Variants in PCBP3 observed in about 807,000 individuals in gnomAD.
PCBP3 encodes the protein poly(rC) binding protein 3.
PCBP3 carries 25 observed loss-of-function variants against 52.7 expected under a neutral mutation model. That is an observed-to-expected ratio of 0.47 (90% CI 0.35 to 0.66). PCBP3 has a LOEUF of 0.66. Among genes scored for constraint, PCBP3 ranks in the 30% least tolerant of loss-of-function variants. PCBP3 has a pLI of 0.01. For missense variants in PCBP3, 391 were observed against 490.3 expected (o/e 0.80, Z 1.91); for synonymous variants, 162 against 183.0 (o/e 0.89, Z 0.93).
In PCBP3 at chr21:45,904,815, A is replaced by C. The variant is rs150711521; in HGVS notation, c.339+3702A>C. On this transcript the variant is annotated intron_variant, in intron 9 of 17. Coordinates refer to ENST00000681687, the MANE Select transcript of PCBP3 (RefSeq NM_001384156.1). This position sits in a 1 kb window ranked among gnomAD's most constrained non-coding sequence, Gnocchi z 4.8. ...TGGGGCCGTGTCTCACCCTCACACC[A>C]TGTCACGATTGTGCTGGTGACGGAT... 3.3e-5 allele frequency among the ~76,000 whole-genome samples: 5 copies of C among 152,258 alleles called. No homozygotes were observed. Among genetic ancestry groups the C allele is most frequent in the African/African-American group, 1.2e-4 (5 of 41,550 alleles).
intron 4 of PCBP3, among the ~76,000 whole-genome samples, chr21:45,790,411 G>A (rs893317379): frequency 6.6e-5 from 10 of 152,152 alleles, no homozygotes; most frequent in African/African-American, 2.2e-4. Context: ...AAGGTGGGAC[G>A]CCGTGCCATT....
At chr21:45,900,477 A>C in intron 7 of PCBP3, 114 bp from the exon 8 acceptor site, 1 of 760,902 alleles carries the variant, frequency 1.3e-6, no homozygotes, top group South Asian at 1.6e-5. Context: ...CAGCACAGGC[A>C]GGAGGCTCTG....
intron 4 of PCBP3, among the ~76,000 whole-genome samples, chr21:45,794,777 G>A (rs113493819): frequency 0.013 from 2,040 of 152,092 alleles, 65 homozygotes; most frequent in African/African-American, 0.046. Context: ...AAAATACACA[G>A]AATGAGCCGG....
chr21:45,818,577 T>C (rs1278718155), intron 4 of PCBP3, among the ~76,000 whole-genome samples: 10 of 152,240 alleles, frequency 6.6e-5, no homozygotes, highest in African/African-American at 2.4e-4. Context: ...TGTAAGAAAC[T>C]GCCAAACTAC....
intron 9 of PCBP3, among the ~76,000 whole-genome samples, chr21:45,902,778 C>G (rs1252397222): frequency 2.6e-5 from 4 of 152,162 alleles, no homozygotes; most frequent in Non-Finnish European, 4.4e-5. Flanking sequence ...TGCAGTGGCA[C>G]AGACGCCAGC....
At chr21:45,889,308 T>C (rs565795444) in intron 5 of PCBP3, among the ~76,000 whole-genome samples, 2 of 152,344 alleles carry the variant, frequency 1.3e-5, no homozygotes, top group African/African-American at 4.8e-5. Context: ...TTCCTCCGAC[T>C]GCAAAAGTCG....
Position 45,805,380 on chromosome 21 carries a change from A to AC in PCBP3, c.-125-44575dup, listed in dbSNP as rs1037779856. Reference sequence around the variant, plus strand: ...GACTGGTAACAAGCAGGGGTTTGGCACCCCCCTTGCCCACCTGCCCTGTGT... The same window carrying AC: ...GACTGGTAACAAGCAGGGGTTTGGCACCCCCCCTTGCCCACCTGCCCTGTGT... On this transcript the variant is annotated intron_variant, in intron 4 of 17. Transcript: ENST00000681687. This position sits in a 1 kb window ranked among gnomAD's most constrained non-coding sequence, Gnocchi z 4.6. 9.2e-5 allele frequency among the ~76,000 whole-genome samples: 14 copies of AC among 151,576 alleles called. No individual in the cohort carries two copies. The highest frequency in any genetic ancestry group is 2.9e-4 in the African/African-American group (12 of 41,254).
intron 5 of PCBP3, chr21:45,873,266 T>G (rs971263180): frequency 6.6e-6 from 1 of 152,216 alleles, no homozygotes; most frequent in African/African-American, 2.4e-5. Flanking sequence ...TTTCAAGACC[T>G]CTGCCCACTC....
At chr21:45,761,344 C>T (rs984879701) in intron 4 of PCBP3, 13 of 152,232 alleles carry the variant, frequency 8.5e-5, no homozygotes, top group African/African-American at 2.9e-4. Flanking sequence ...CTGTTACTGT[C>T]TCTTTTTCCC....
chr21:45,789,415 T>A (rs1374664274), intron 4 of PCBP3, among the ~76,000 whole-genome samples: 1 of 151,262 alleles, frequency 6.6e-6, no homozygotes, highest in African/African-American at 2.4e-5. Flanking sequence ...TGTGATCGTG[T>A]CTTTTCATGT....
chr21:45,725,962 C>G (rs961071323), intron 2 of PCBP3, among the ~76,000 whole-genome samples: 5 of 152,104 alleles, frequency 3.3e-5, no homozygotes, highest in African/African-American at 1.2e-4. Context: ...ACCCTCAGGG[C>G]AGTGGACAGC....
intron 2 of PCBP3, among the ~76,000 whole-genome samples, chr21:45,701,404 G>A (rs1262223824): frequency 1.3e-5 from 2 of 152,090 alleles, no homozygotes; most frequent in East Asian, 3.8e-4. Context: ...TGGAATTCAG[G>A]ACTCCTTTCC....
intron 4 of PCBP3, among the ~76,000 whole-genome samples, chr21:45,759,137 G>A (rs554412777): frequency 6.6e-6 from 1 of 152,224 alleles, no homozygotes; most frequent in South Asian, 2.1e-4. Context: ...TCCTTGAAGT[G>A]GCTTTGTATA....
intron 5 of PCBP3, among the ~76,000 whole-genome samples, chr21:45,856,957 G>T (rs540085753): frequency 5.9e-5 from 9 of 152,266 alleles, no homozygotes; most frequent in Admixed American, 2.0e-4. Context: ...TAAAGACCTG[G>T]GATCATAGAA....
At position 45,880,528 on chromosome 21, in the gene PCBP3, T is replaced by C. The variant is rs1163156532; in HGVS notation, c.11-15680T>C. 6.6e-6 allele frequency among the ~76,000 whole-genome samples: 1 copy of C among 152,200 alleles called. No individual in the cohort carries two copies. The highest frequency in any genetic ancestry group is 1.5e-5 in the Non-Finnish European group (1 of 68,038). Reference sequence around the variant, plus strand: ...AATTTCAGAACGTTCCACGAGGCCGTGGAAATTGAGCTGGGCTCAGTGCTC... The same window carrying C: ...AATTTCAGAACGTTCCACGAGGCCGCGGAAATTGAGCTGGGCTCAGTGCTC... On this transcript the variant is annotated intron_variant, in intron 5 of 17. Coordinates refer to ENST00000681687, the MANE Select transcript of PCBP3 (RefSeq NM_001384156.1). The surrounding 1 kb of genome is among the most constrained non-coding windows in gnomAD (Gnocchi z 5.4).
At chr21:45,910,068 G>A (rs1397123170) in intron 10 of PCBP3, among the ~76,000 whole-genome samples, 1 of 746 alleles carries the variant, frequency 1.3e-3, no homozygotes, top group African/African-American at 7.7e-3. Context: ...GCCCAGATAC[G>A]GACCCCCCCC....
intron 5 of PCBP3, chr21:45,894,149 T>C: frequency 2.2e-6 from 1 of 459,250 alleles, no homozygotes; most frequent in Non-Finnish European, 2.9e-6. Flanking sequence ...GAGTCCCAGG[T>C]GACCCGCACG....
intron 5 of PCBP3, among the ~76,000 whole-genome samples, chr21:45,873,956 G>T (rs1232068665): frequency 1.3e-5 from 2 of 152,204 alleles, no homozygotes; most frequent in Non-Finnish European, 2.9e-5. Context: ...TAGAAACAAG[G>T]TCTCCCGATA....
chr21:45,685,942 G>A (rs539905095), intron 2 of PCBP3, among the ~76,000 whole-genome samples: 113 of 138,536 alleles, frequency 8.2e-4, no homozygotes, highest in African/African-American at 2.9e-3. Flanking sequence ...TTTTTGAGAT[G>A]GAGTCTTACT....
Sources: allele counts gnomAD v4.1 joint callset (sites outside exome capture counted in the v4.1 genomes callset), GRCh38; gene constraint gnomAD v4.1.1; non-coding constraint Gnocchi (gnomAD v3.1); transcripts MANE v1.5; gene names NCBI Gene and HGNC (gene_info 2026-07-23, HGNC 2026-07-21).